Variants in HEPHL1 observed in about 807,000 individuals in gnomAD.
HEPHL1 encodes ferroxidase HEPHL1.
A neutral mutation model predicts 122.0 loss-of-function variants in HEPHL1; 123 were observed. The ratio of observed to expected loss-of-function variants is 1.01; its 90% confidence interval spans 0.87 to 1.17. HEPHL1 has a LOEUF of 1.17. Among genes scored for constraint, HEPHL1 ranks in the 50% most tolerant of loss-of-function variants. The pLI is 0.00. For missense variants in HEPHL1, 1,452 were observed against 1,430.5 expected (o/e 1.01, Z -0.24); for synonymous variants, 527 against 508.9 (o/e 1.04, Z -0.48).
chr11:94,063,116 A>C (rs1482596264), intron 2 of HEPHL1, among the ~76,000 whole-genome samples: 2 of 152,184 alleles, frequency 1.3e-5, no homozygotes, highest in Non-Finnish European at 2.9e-5. Flanking sequence ...GTCCCCAAGA[A>C]GTGTTTATTC....
rs149222328 is a variant in HEPHL1 at position 94,076,173 on chromosome 11, C to A, written c.1716+788C>A. Among the ~76,000 whole-genome samples the A allele has an allele frequency of 1.5e-3, 224 of 152,254 alleles. 5 individuals are homozygous for A. The highest frequency in any genetic ancestry group is 9.7e-4 in the Non-Finnish European group (66 of 68,016). ...CTTGATCCTATTTGGATTTTCCTTT[C>A]TCTACATGAAGGAACAATCCCGGAA... On this transcript the variant is annotated intron_variant, in intron 9 of 19. Coordinates refer to ENST00000315765, the MANE Select transcript of HEPHL1 (RefSeq NM_001098672.2).
chr11:94,084,387 C>A (rs769303795), intron 10 of HEPHL1, among the ~76,000 whole-genome samples: 1 of 149,818 alleles, frequency 6.7e-6, no homozygotes, highest in African/African-American at 2.5e-5. Context: ...TATATAAATA[C>A]AGGATATATC....
rs1945712163 is a variant in HEPHL1 at position 94,035,451 on chromosome 11, C to T, written c.171-10222C>T. ...CTTTCAAGCTTACCCAAGACTGAAA[C>T]AGAGGCGATGCCTGTGGGATCTTCT... On this transcript the variant is annotated intron_variant, in intron 1 of 19. Transcript: ENST00000315765. 2.0e-5 allele frequency among the ~76,000 whole-genome samples: 3 copies of T among 152,214 alleles called. 1 individual carries two copies. The South Asian group carries it at 6.2e-4, about 31-fold the overall frequency.
intron 13 of HEPHL1, among the ~76,000 whole-genome samples, chr11:94,099,515 G>C (rs899716213): frequency 6.6e-6 from 1 of 152,108 alleles, no homozygotes; most frequent in South Asian, 2.1e-4. Context: ...CTCTGTGCTG[G>C]GAGAACCACT....
intron 5 of HEPHL1, among the ~76,000 whole-genome samples, chr11:94,069,290 GT>G (rs1591476735): frequency 6.6e-6 from 1 of 152,116 alleles, no homozygotes. Flanking sequence ...ATAATTGGAG[GT>G]TTTTTAACAA....
chr11:94,093,695 A>G, intron 13 of HEPHL1, 55 bp downstream of exon 13: 2 of 1,570,568 alleles, frequency 1.3e-6, no homozygotes, highest in South Asian at 2.3e-5. Context: ...GCATGCACAC[A>G]TACTCATGTG....
At chr11:94,086,982 C>T (rs1946223944) in intron 11 of HEPHL1, among the ~76,000 whole-genome samples, 1 of 152,160 alleles carries the variant, frequency 6.6e-6, no homozygotes, top group Admixed American at 6.5e-5. Flanking sequence ...AATGGATGTT[C>T]TACTTCTTTG....
At chr11:94,090,603 A>G (rs544857984) in intron 12 of HEPHL1, among the ~76,000 whole-genome samples, 3 of 152,314 alleles carry the variant, frequency 2.0e-5, no homozygotes, top group Admixed American at 2.0e-4. Context: ...TGAGATAAGG[A>G]CAAGTTCACA....
chr11:94,105,976 T>G lies in HEPHL1; in HGVS notation c.2906-15T>G. ...TTTAACTAACCAAAGGTTATTTTCTTATCACCTTTTAAAGCCATTAATGGA... is the reference window on the plus strand; with the variant it reads ...TTTAACTAACCAAAGGTTATTTTCTGATCACCTTTTAAAGCCATTAATGGA... On this transcript the variant is annotated splice_polypyrimidine_tract_variant and intron_variant, in intron 16 of 19. Transcript: ENST00000315765. The G allele has an allele frequency of 6.5e-7, 1 of 1,536,908 alleles. No individual in the cohort carries two copies. Among genetic ancestry groups the G allele is most frequent in the Admixed American group, 1.9e-5 (1 of 52,504 alleles).
chr11:94,073,412 G>A lies in HEPHL1; in HGVS notation c.1477G>A (p.Ala493Thr), dbSNP rs777484309. The change falls in exon 8 of 20, where the codon GCA (alanine) becomes ACA (threonine). Residue 493 changes from alanine to threonine, a missense_variant. Coordinates refer to ENST00000315765, the MANE Select transcript of HEPHL1 (RefSeq NM_001098672.2). Reference sequence around the variant, plus strand: ...ACCCCATGGTGTGATCTATGACAAGGCATCTGATGCAGCCCCAAACCTAGA... The same window carrying A: ...ACCCCATGGTGTGATCTATGACAAGACATCTGATGCAGCCCCAAACCTAGA... ...ILPHGVIYDK[A>T]SDAAPNLDGF... is the part of the protein sequence containing the mutation. 3.9e-6 allele frequency: 6 copies of A among 1,556,628 alleles called. No individual in the cohort carries two copies. Among genetic ancestry groups the A allele is most frequent in the Non-Finnish European group, 5.2e-6 (6 of 1,149,138 alleles).
At chr11:94,056,657 T>TATCTATC (rs3060401) in intron 2 of HEPHL1, among the ~76,000 whole-genome samples, 22,544 of 111,726 alleles carry the variant, frequency 0.2, 1,966 homozygotes, top group Admixed American at 0.23. Flanking sequence ...CTATTATTGA[T>TATCTATC]TATCTATCTA....
At chr11:94,036,607 C>G (rs1945726885) in intron 1 of HEPHL1, among the ~76,000 whole-genome samples, 2 of 152,088 alleles carry the variant, frequency 1.3e-5, no homozygotes, top group African/African-American at 4.8e-5. Flanking sequence ...ATGAACAAAA[C>G]TGCATGAATT....
chr11:94,042,754 T>C (rs987490181), intron 1 of HEPHL1, among the ~76,000 whole-genome samples: 6 of 143,288 alleles, frequency 4.2e-5, no homozygotes, highest in South Asian at 2.4e-4. Flanking sequence ...AGGGATAGCA[T>C]TGGGAGATAT....
chr11:94,095,144 C>G (rs938737670), intron 13 of HEPHL1, among the ~76,000 whole-genome samples: 1 of 152,126 alleles, frequency 6.6e-6, no homozygotes, highest in Non-Finnish European at 1.5e-5. Context: ...ACATTTAAGT[C>G]TTTAATCAAT....
rs188441572 is a variant in HEPHL1, at chr11:94,062,127, T to G, written c.416-1381T>G. Among the ~76,000 whole-genome samples the G allele has an allele frequency of 8.5e-5, 13 of 152,278 alleles. No homozygotes were observed. In the East Asian group the frequency reaches 2.3e-3, roughly 27 times the overall value. On this transcript the variant is annotated intron_variant, in intron 2 of 19. Transcript: ENST00000315765. The stretch of plus-strand genomic sequence containing the variant: ...GTAATTAAAAGTATGTAAAGGAAAG[T>G]TAAGTGAATAAATAAGTAGAAAATA...
At chr11:94,046,327 A>G (rs1565348123) in intron 2 of HEPHL1, among the ~76,000 whole-genome samples, 1 of 149,874 alleles carries the variant, frequency 6.7e-6, no homozygotes, top group Non-Finnish European at 1.5e-5. Flanking sequence ...CAACCTCCTG[A>G]CCTCAAATGA....
chr11:94,046,065 A>G (rs986886973), intron 2 of HEPHL1, 148 bp downstream of exon 2: 15 of 178,938 alleles, frequency 8.4e-5, no homozygotes, highest in East Asian at 7.0e-4. Context: ...CCATCTATCT[A>G]TTCTGTCTCT....
At chr11:94,035,502 C>A (rs1236008591) in intron 1 of HEPHL1, among the ~76,000 whole-genome samples, 3 of 152,074 alleles carry the variant, frequency 2.0e-5, no homozygotes, top group Non-Finnish European at 4.4e-5. Flanking sequence ...TTTAAAAAAT[C>A]TTTTATTATA....
At chr11:94,066,131 G>T (rs1490995321) in intron 4 of HEPHL1, among the ~76,000 whole-genome samples, 1 of 152,212 alleles carries the variant, frequency 6.6e-6, no homozygotes, top group Non-Finnish European at 1.5e-5. Flanking sequence ...CCGGGAGTTT[G>T]AGGCTGCAGT....
Sources: allele counts gnomAD v4.1 joint callset (sites outside exome capture counted in the v4.1 genomes callset), GRCh38; gene constraint gnomAD v4.1.1; transcripts MANE v1.5; gene names NCBI Gene and HGNC (gene_info 2026-07-23, HGNC 2026-07-21).